MYO3B: variants seen among roughly 807,000 people sequenced by gnomAD.
The protein encoded by MYO3B is myosin IIIB, also known as myosin-IIIb.
MYO3B carries 156 observed loss-of-function variants against 174.6 expected under a neutral mutation model. The ratio of observed to expected loss-of-function variants is 0.89; its 90% CI spans 0.78 to 1.02. MYO3B has a LOEUF of 1.02. MYO3B is among the 50% of genes least tolerant of loss of function. MYO3B has a pLI of 0.00. For missense variants in MYO3B, 1,632 were observed against 1,639.4 expected, an observed-to-expected ratio of 1.00 and a Z score of 0.08; for synonymous variants, 563 against 569.1, an observed-to-expected ratio of 0.99 and a Z score of 0.15.
chr2:170,537,447 G>GTTTTTTTTTT (rs1559095079), intron 30 of MYO3B, among the ~76,000 whole-genome samples: 2 of 47,486 alleles, frequency 4.2e-5, no homozygotes, highest in African/African-American at 1.8e-4. Flanking sequence ...AGAGCTCTTT[G>GTTTTTTTTTT]ATTTTTTTTT....
chr2:170,552,063 A>G (rs1296103951), intron 32 of MYO3B, among the ~76,000 whole-genome samples: 3 of 152,156 alleles, frequency 2.0e-5, no homozygotes, highest in South Asian at 4.1e-4. Context: ...TCTTTTCTTT[A>G]TAAGTTACCC....
chr2:170,385,187 T>G (rs758777275), intron 12 of MYO3B, among the ~76,000 whole-genome samples: 1 of 152,168 alleles, frequency 6.6e-6, no homozygotes, highest in Non-Finnish European at 1.5e-5. Context: ...AGCACCTCAA[T>G]GTGTTCACCA....
intron 14 of MYO3B, among the ~76,000 whole-genome samples, chr2:170,390,730 C>A (rs1574901769): frequency 6.6e-6 from 1 of 152,136 alleles, no homozygotes; most frequent in African/African-American, 2.4e-5. Context: ...GGATGTGGAG[C>A]AGTGCTTTTC....
chr2:170,502,839 G>A (rs1339954656), intron 28 of MYO3B, among the ~76,000 whole-genome samples: 3 of 152,304 alleles, frequency 2.0e-5, no homozygotes, highest in East Asian at 1.9e-4. Flanking sequence ...GTCCCTCCTC[G>A]GAACCTGGCT....
At chr2:170,380,395 C>A in intron 9 of MYO3B, among the ~76,000 whole-genome samples, 1 of 152,120 alleles carries the variant, frequency 6.6e-6, no homozygotes, top group Admixed American at 6.5e-5. Flanking sequence ...GCTTTCACAG[C>A]TACCTGGGAG....
intron 32 of MYO3B, chr2:170,649,843 A>G (rs983056925): frequency 4.7e-5 from 5 of 106,700 alleles, no homozygotes; most frequent in African/African-American, 2.0e-4. Context: ...AAAAAGGACC[A>G]TATGCTATAG....
intron 32 of MYO3B, among the ~76,000 whole-genome samples, chr2:170,625,686 C>A (rs1696353254): frequency 6.6e-6 from 1 of 152,144 alleles, no homozygotes; most frequent in Non-Finnish European, 1.5e-5. Flanking sequence ...CTCTTGTGGG[C>A]ATTTAGTGCT....
Position 170,519,493 on chromosome 2 carries a change from C to T in MYO3B, c.3528C>T (p.Gly1176=), listed in dbSNP as rs752492745. ...RSHSQAESNN[G]RTQTSSNSPA... ...ATTCACAAGCAGAATCCAACAATGG[C>T]CGTACACAGACTTCAAGCAACTCTC... The change falls in exon 30 of 35, where the codon GGC becomes GGT. Residue 1176 remains glycine, a synonymous_variant. Transcript: ENST00000408978. 8 of 1,613,846 alleles carry T rather than the reference C, an allele frequency of 5.0e-6. No homozygotes were observed. The African/African-American group carries it at 1.1e-4, about 22-fold the overall frequency.
chr2:170,259,015 C>T (rs572768291), intron 7 of MYO3B, among the ~76,000 whole-genome samples: 1 of 152,180 alleles, frequency 6.6e-6, no homozygotes, highest in African/African-American at 2.4e-5. Context: ...GGTGAAAGAT[C>T]TCTACGAGGA....
At chr2:170,248,590 C>T (rs2093217524) in intron 7 of MYO3B, among the ~76,000 whole-genome samples, 1 of 152,136 alleles carries the variant, frequency 6.6e-6, no homozygotes, top group South Asian at 2.1e-4. Flanking sequence ...TTGCCTTTTC[C>T]AGCTTCTAGA....
intron 8 of MYO3B, chr2:170,346,364 A>G (rs1387047620): frequency 6.6e-6 from 1 of 152,184 alleles, no homozygotes; most frequent in Admixed American, 6.5e-5. Flanking sequence ...GTCGAAGACA[A>G]TTCTTCCAGT....
chr2:170,408,252 A>C (rs1159966736), intron 22 of MYO3B, among the ~76,000 whole-genome samples: 1 of 152,208 alleles, frequency 6.6e-6, no homozygotes, highest in East Asian at 1.9e-4. Flanking sequence ...AGTGTGTTGA[A>C]TCAGAGTTCA....
chr2:170,444,296 TA>T (rs1350591690), intron 23 of MYO3B, among the ~76,000 whole-genome samples: 1 of 152,188 alleles, frequency 6.6e-6, no homozygotes, highest in Non-Finnish European at 1.5e-5. Context: ...TAAGAAAAGA[TA>T]AAGCATTTCT....
At chr2:170,399,420 G>A (rs2094461484) in intron 16 of MYO3B, among the ~76,000 whole-genome samples, 1 of 150,608 alleles carries the variant, frequency 6.6e-6, no homozygotes, top group Admixed American at 6.6e-5. Flanking sequence ...GTTGCAGTGA[G>A]CCGAGATTGT....
Position 170,542,921 on chromosome 2 carries a change from G to C in MYO3B, c.3591G>C (p.Gln1197His), listed in dbSNP as rs1690211991. ...VTEKNGHSQAQSSPKGCDIFA... is the reference protein window; with the variant it reads ...VTEKNGHSQAHSSPKGCDIFA... ...ATCTTTTCAGGCATTCACAAGCCCA[G>C]AGTTCTCCAAAAGGGTGCGATATCT... is the stretch of plus-strand genomic sequence containing the variant. Residue 1197 changes from glutamine to histidine, a missense_variant, in exon 31 of 35, where the codon CAG (glutamine) becomes CAC (histidine). Transcript: ENST00000408978. The C allele has an allele frequency of 6.2e-7, 1 of 1,608,162 alleles. No individual in the cohort carries two copies. Among genetic ancestry groups the C allele is most frequent in the Non-Finnish European group, 8.5e-7 (1 of 1,176,974 alleles).
At chr2:170,634,280 A>G (rs983906771) in intron 32 of MYO3B, among the ~76,000 whole-genome samples, 3 of 152,176 alleles carry the variant, frequency 2.0e-5, no homozygotes, top group Non-Finnish European at 4.4e-5. Flanking sequence ...ATATAGACCA[A>G]TGGAACAGAA....
intron 6 of MYO3B, among the ~76,000 whole-genome samples, chr2:170,228,743 G>C (rs2105279145): frequency 6.6e-6 from 1 of 152,178 alleles, no homozygotes; most frequent in Non-Finnish European, 1.5e-5. Context: ...GACTTAAGCT[G>C]AAACTTACAA....
At chr2:170,290,984 T>A (rs1360788051) in intron 7 of MYO3B, among the ~76,000 whole-genome samples, 1 of 152,086 alleles carries the variant, frequency 6.6e-6, no homozygotes, top group Non-Finnish European at 1.5e-5. Context: ...GTATAGTGGC[T>A]CATGCCTGTA....
chr2:170,339,499 T>C (rs1241481391), intron 8 of MYO3B, among the ~76,000 whole-genome samples: 2 of 152,170 alleles, frequency 1.3e-5, no homozygotes, highest in Non-Finnish European at 2.9e-5. Context: ...CTAGTGATTA[T>C]AGCTATGTAG....
Sources: allele counts gnomAD v4.1 joint callset (sites outside exome capture counted in the v4.1 genomes callset), GRCh38; gene constraint gnomAD v4.1.1; transcripts MANE v1.5; gene names NCBI Gene and HGNC (gene_info 2026-07-23, HGNC 2026-07-21).